Variants in SLC22A25 observed in about 807,000 individuals in gnomAD.
The protein encoded by SLC22A25 is MGI:2442751, MGI:2385316, MGI:3042283, MGI:3645714, MGI:3605624, MGI:2442750.
Under a neutral mutation model 45.9 loss-of-function variants are expected in SLC22A25, and 44 were observed. The observed-to-expected ratio is 0.96, with a 90% CI of 0.75 to 1.23. The LOEUF is 1.23. Among genes scored for constraint, SLC22A25 ranks in the 50% most tolerant of loss-of-function variants. SLC22A25 has a pLI of 0.00. For missense variants in SLC22A25, 800 were observed against 666.4 expected (o/e 1.20, Z -2.21); for synonymous variants, 283 against 238.6 (o/e 1.19, Z -1.72).
At chr11:63,236,911 C>T (rs1171312917) in intron 3 of SLC22A25, among the ~76,000 whole-genome samples, 1 of 152,170 alleles carries the variant, frequency 6.6e-6, no homozygotes, top group Non-Finnish European at 1.5e-5. Flanking sequence ...GCTGTGGCTC[C>T]CTTGTATCCA....
intron 5 of SLC22A25, among the ~76,000 whole-genome samples, chr11:63,227,170 A>G (rs925201328): frequency 6.6e-6 from 1 of 151,974 alleles, no homozygotes; most frequent in Non-Finnish European, 1.5e-5. Flanking sequence ...TGCAAGACAA[A>G]GTCCCCTTTA....
chr11:63,166,369 AGT>A (rs1322772057), intron 9 of SLC22A25, 111 bp from the exon 10 acceptor site: 1 of 1,469,446 alleles, frequency 6.8e-7, no homozygotes, highest in East Asian at 2.5e-5. Flanking sequence ...AAAAAGGCAG[AGT>A]GTGTTTTGTG....
chr11:63,162,192 A>G lies in SLC22A25; in HGVS notation c.*1632T>C, dbSNP rs2087545027. On this transcript the variant is annotated 3_prime_UTR_variant, in exon 12 of 12. Transcript: ENST00000306494. Reference sequence around the variant, plus strand: ...TCCTTTGTCAGAGGGGTAGTTTGCAAGTATTTTCTCCCATTCTGTGGGTTG... The same window carrying G: ...TCCTTTGTCAGAGGGGTAGTTTGCAGGTATTTTCTCCCATTCTGTGGGTTG... Among the ~76,000 whole-genome samples, 1 of 152,192 alleles carries G rather than the reference A, an allele frequency of 6.6e-6. No individual in the cohort carries two copies. The highest frequency in any genetic ancestry group is 2.4e-5 in the African/African-American group (1 of 41,438).
intron 7 of SLC22A25, among the ~76,000 whole-genome samples, chr11:63,213,194 C>T (rs1242339578): frequency 2.0e-5 from 3 of 152,134 alleles, no homozygotes; most frequent in Non-Finnish European, 4.4e-5. Context: ...TCCCTTATAG[C>T]AAGGCTCCTC....
intron 7 of SLC22A25, among the ~76,000 whole-genome samples, chr11:63,212,244 T>C (rs1422198810): frequency 1.4e-5 from 2 of 144,288 alleles, no homozygotes; most frequent in African/African-American, 5.1e-5. Flanking sequence ...TTCAACCATG[T>C]GGAAGACAGT....
Position 63,169,586 on chromosome 11 carries a change from T to G in SLC22A25, c.1071-3328A>C, listed in dbSNP as rs185873810. Among the ~76,000 whole-genome samples the G allele has an allele frequency of 1.7e-3, 262 of 152,218 alleles. 3 individuals carry two copies. Among genetic ancestry groups the G allele is most frequent in the African/African-American group, 6.1e-3 (255 of 41,526 alleles). On this transcript the variant is annotated intron_variant, in intron 9 of 11. Coordinates refer to ENST00000306494, the MANE Select transcript of SLC22A25 (RefSeq NM_199352.6). ...GACAAAGAAGGGCATTACATAATGA[T>G]AAAGGAATCAATGCAACAAGAAGAG...
At chr11:63,189,800 A>T in intron 7 of SLC22A25, among the ~76,000 whole-genome samples, 1 of 152,176 alleles carries the variant, frequency 6.6e-6, no homozygotes, top group Non-Finnish European at 1.5e-5. Flanking sequence ...TCCTTCACTT[A>T]TGAAGCTTAG....
intron 5 of SLC22A25, among the ~76,000 whole-genome samples, chr11:63,225,367 C>T (rs750273659): frequency 2.6e-5 from 4 of 152,070 alleles, no homozygotes; most frequent in African/African-American, 9.7e-5. Context: ...CTTTATTTCT[C>T]ATTCATATTT....
At chr11:63,182,677 C>T (rs2088372877) in intron 8 of SLC22A25, among the ~76,000 whole-genome samples, 1 of 151,878 alleles carries the variant, frequency 6.6e-6, no homozygotes, top group Non-Finnish European at 1.5e-5. Context: ...TTCTTCCTGC[C>T]ACCTTCTGTT....
chr11:63,233,160 G>T (rs2090101134), intron 3 of SLC22A25, among the ~76,000 whole-genome samples: 1 of 152,182 alleles, frequency 6.6e-6, no homozygotes, highest in Non-Finnish European at 1.5e-5. Context: ...AAATGAGTTA[G>T]GGAGGATTCC....
chr11:63,223,044 A>G (rs1233397561), intron 5 of SLC22A25, among the ~76,000 whole-genome samples: 1 of 151,290 alleles, frequency 6.6e-6, no homozygotes, highest in Non-Finnish European at 1.5e-5. Flanking sequence ...TTTGTGGAGA[A>G]TTTTTTCATC....
At chr11:63,208,496 G>A (rs1381993650) in intron 7 of SLC22A25, among the ~76,000 whole-genome samples, 1 of 152,188 alleles carries the variant, frequency 6.6e-6, no homozygotes, top group Non-Finnish European at 1.5e-5. Context: ...GTGCGTGCAT[G>A]TAAACCTACC....
intron 6 of SLC22A25, 46 bp downstream of exon 6, chr11:63,217,535 G>A: frequency 6.2e-7 from 1 of 1,610,050 alleles, no homozygotes; most frequent in Non-Finnish European, 8.5e-7. Context: ...GAGCTTCAAT[G>A]TCAAAGCCAA....
At chr11:63,188,342 T>C (rs1416675695) in intron 7 of SLC22A25, among the ~76,000 whole-genome samples, 1 of 152,380 alleles carries the variant, frequency 6.6e-6, no homozygotes, top group East Asian at 1.9e-4. Context: ...TAGAGGTTTT[T>C]ATAATATTGT....
intron 7 of SLC22A25, among the ~76,000 whole-genome samples, chr11:63,194,124 A>G (rs1374598231): frequency 1.3e-5 from 2 of 152,174 alleles, no homozygotes; most frequent in African/African-American, 4.8e-5. Flanking sequence ...AAAGAGAGTA[A>G]AAAGAAATGA....
rs1565070886 is a variant in SLC22A25 at position 63,177,887 on chromosome 11, ATATATATATAT to A, written c.1070+2762_1070+2772del. Among the ~76,000 whole-genome samples, 107 of 86,614 alleles carry A rather than the reference ATATATATATAT, an allele frequency of 1.2e-3. 2 individuals are homozygous for A. Among genetic ancestry groups the A allele is most frequent in the African/African-American group, 4.3e-3 (99 of 23,172 alleles). The allele number at this position is 86,614 out of a possible 152,430, so 56.8% of individuals were successfully genotyped here. On this transcript the variant is annotated intron_variant, in intron 9 of 11. Coordinates refer to ENST00000306494, the MANE Select transcript of SLC22A25 (RefSeq NM_199352.6). Reference sequence around the variant, plus strand: ...ATAATATATATAATGTATATATATAATATATATATATAATGTATATCCCATTTTCTTTTTTT... The same window carrying A: ...ATAATATATATAATGTATATATATAAAATGTATATCCCATTTTCTTTTTTT...
intron 7 of SLC22A25, among the ~76,000 whole-genome samples, chr11:63,206,530 T>C (rs997441053): frequency 6.6e-6 from 1 of 152,210 alleles, no homozygotes; most frequent in Non-Finnish European, 1.5e-5. Flanking sequence ...TGAACTCTCA[T>C]TCACAGTTGC....
intron 9 of SLC22A25, among the ~76,000 whole-genome samples, chr11:63,170,372 C>A (rs1189441066): frequency 6.6e-6 from 1 of 151,834 alleles, no homozygotes; most frequent in Non-Finnish European, 1.5e-5. Context: ...ATCAATGAAT[C>A]CAGGAACCAG....
At chr11:63,212,804 TA>T (rs200780459) in intron 7 of SLC22A25, among the ~76,000 whole-genome samples, 5,173 of 148,422 alleles carry the variant, frequency 0.035, 117 homozygotes, top group Non-Finnish European at 0.057. Context: ...AAGTATAATT[TA>T]AAAAAAAAAA....
Sources: allele counts gnomAD v4.1 joint callset (sites outside exome capture counted in the v4.1 genomes callset), GRCh38; gene constraint gnomAD v4.1.1; transcripts MANE v1.5; gene names NCBI Gene and HGNC (gene_info 2026-07-23, HGNC 2026-07-21).